Variants in MARS1 observed in about 807,000 individuals in gnomAD.
The protein encoded by MARS1 is methionyl-tRNA synthetase 1.
In MARS1, 80 loss-of-function variants were observed where a neutral mutation model predicts 119.5. The ratio of observed to expected loss-of-function variants is 0.67; its 90% CI spans 0.56 to 0.81. The LOEUF is 0.81. Ranked by LOEUF, MARS1 falls within the 30% of genes least tolerant of loss-of-function variation. MARS1 has a pLI of 0.00. For synonymous variants in MARS1, 418 were observed against 433.4 expected (o/e 0.96, Z 0.44); for missense variants, 945 against 1,116.5 (o/e 0.85, Z 2.19).
chr12:57,512,608 T>C, intron 14 of MARS1, 143 bp from the exon 15 acceptor site: 1 of 711,678 alleles, frequency 1.4e-6, no homozygotes, highest in Non-Finnish European at 2.4e-6. Flanking sequence ...TCCCAAAATC[T>C]GAGCATACCA....
intron 7 of MARS1, among the ~76,000 whole-genome samples, chr12:57,490,884 T>G (rs1484168923): frequency 6.7e-6 from 1 of 148,568 alleles, no homozygotes; most frequent in African/African-American, 2.5e-5. Flanking sequence ...CCTTTTTTTT[T>G]TTTTTTTTTG....
At chr12:57,512,567 G>A in intron 14 of MARS1, 184 bp from the exon 15 acceptor site, 1 of 645,512 alleles carries the variant, frequency 1.5e-6, no homozygotes, top group South Asian at 2.0e-5. Flanking sequence ...TAAGCAAAGA[G>A]AAAAAAGGGC....
At chr12:57,513,077 CTG>C (rs1200641566) in intron 15 of MARS1, 113 bp downstream of exon 15, 3 of 845,828 alleles carry the variant, frequency 3.5e-6, no homozygotes, top group Non-Finnish European at 3.9e-6. Context: ...TGTGAGGACA[CTG>C]TGGAAAGTTG....
chr12:57,510,773 A>G (rs1877472548), intron 11 of MARS1, among the ~76,000 whole-genome samples: 1 of 152,008 alleles, frequency 6.6e-6, no homozygotes, highest in Non-Finnish European at 1.5e-5. Context: ...TGTATTTAAA[A>G]AAAGAAAAAA....
At chr12:57,495,140 C>T (rs1277786120) in intron 7 of MARS1, among the ~76,000 whole-genome samples, 1 of 148,496 alleles carries the variant, frequency 6.7e-6, no homozygotes, top group Admixed American at 6.7e-5. Flanking sequence ...GAGGCGCCCC[C>T]CACCTCCCGG....
chr12:57,505,164 GTTT>G (rs34010387), intron 11 of MARS1, among the ~76,000 whole-genome samples: 1 of 140,466 alleles, frequency 7.1e-6, no homozygotes, highest in Non-Finnish European at 1.6e-5. Flanking sequence ...CTCCTGATTT[GTTT>G]TTTTTTTTTT....
At chr12:57,515,665 AAAGT>A (rs939642026) in intron 18 of MARS1, among the ~76,000 whole-genome samples, 3 of 152,220 alleles carry the variant, frequency 2.0e-5, no homozygotes, top group Admixed American at 1.3e-4. Flanking sequence ...ACAAAATGAA[AAAGT>A]AAGTACATTG....
rs767686666 is a variant in MARS1, at chr12:57,490,261, G to T, written c.545G>T (p.Cys182Phe). 6.2e-7 allele frequency: 1 copy of T among 1,613,792 alleles called. No individual in the cohort carries two copies. Among genetic ancestry groups the T allele is most frequent in the South Asian group, 1.1e-5 (1 of 91,062 alleles). ...WFQTLSTQEP[C>F]QRAAETVLKQ... is the part of the protein sequence containing the mutation. Reference sequence around the variant, plus strand: ...CAGACACTGAGTACCCAGGAACCATGTCAGCGAGCTGCAGAGACTGTACTG... The same window carrying T: ...CAGACACTGAGTACCCAGGAACCATTTCAGCGAGCTGCAGAGACTGTACTG... The change falls in exon 6 of 21, where the codon TGT (cysteine) becomes TTT (phenylalanine). Residue 182 changes from cysteine (C) to phenylalanine (F), a missense_variant. Transcript: ENST00000262027.
intron 7 of MARS1, among the ~76,000 whole-genome samples, chr12:57,493,774 A>ATT (rs1876341986): frequency 2.1e-3 from 6 of 2,824 alleles, no homozygotes; most frequent in Non-Finnish European, 2.9e-3. Context: ...TATTATATAT[A>ATT]ATATATATTA....
In MARS1 at chr12:57,508,553, C is replaced by G. The variant is rs918116609; in HGVS notation, c.1369-3145C>G. Among the ~76,000 whole-genome samples, 11 of 152,370 alleles carry G rather than the reference C, an allele frequency of 7.2e-5. No individual in the cohort carries two copies. The East Asian group carries it at 7.7e-4, about 11-fold the overall frequency. ...GCACGCGCCCGCAATCGCAGGCACT[C>G]GGCAGGCTGAGGCAGGAGAATCAGG... On this transcript the variant is annotated intron_variant, in intron 11 of 20. Transcript: ENST00000262027.
At chr12:57,507,426 G>A (rs1285337472) in intron 11 of MARS1, among the ~76,000 whole-genome samples, 1 of 77,172 alleles carries the variant, frequency 1.3e-5, no homozygotes, top group African/African-American at 4.4e-5. Flanking sequence ...CAGTAGGGGT[G>A]GCCGGGCAGA....
Position 57,489,511 on chromosome 12 carries a change from C to CA in MARS1, c.368dup (p.His123GlnfsTer3). ...TGGTTCAGTGCGGAGAGCCCTGACT[C>CA]ACATTGACCACAGCTTGAGTCGTCA... On this transcript the variant is annotated frameshift_variant, in exon 4 of 21. Transcript: ENST00000262027. LOFTEE classifies it high-confidence loss of function. 6.2e-7 allele frequency: 1 copy of CA among 1,614,200 alleles called. No individual in the cohort carries two copies.
rs150579476 is a variant in MARS1, at chr12:57,509,514, C to A, written c.1369-2184C>A. On this transcript the variant is annotated intron_variant, in intron 11 of 20. Coordinates refer to ENST00000262027, the MANE Select transcript of MARS1 (RefSeq NM_004990.4). ...TGCCATCTCCAGGATTCAAGCGATT[C>A]TCCTGCCTCAGCCTCCTGAGTAGCT... Among the ~76,000 whole-genome samples, 27 of 152,296 alleles carry A rather than the reference C, an allele frequency of 1.8e-4. No individual in the cohort carries two copies. In the East Asian group the frequency reaches 5.0e-3, roughly 28 times the overall value.
At chr12:57,488,683 A>C in intron 1 of MARS1, 1 of 1,538,834 alleles carries the variant, frequency 6.5e-7, no homozygotes, top group South Asian at 1.2e-5. Context: ...CAGTTCTTTT[A>C]ATTTTGTTCT....
chr12:57,510,618 A>T (rs1565649762), intron 11 of MARS1, among the ~76,000 whole-genome samples: 1 of 151,352 alleles, frequency 6.6e-6, no homozygotes, highest in Admixed American at 6.6e-5. Context: ...AAAAAAAAAG[A>T]AAATTTTTTT....
At position 57,512,082 on chromosome 12, in the gene MARS1, A is replaced by G; in HGVS notation, c.1614A>G (p.Arg538=). 6.2e-7 allele frequency: 1 copy of G among 1,614,072 alleles called. No homozygotes were observed. The highest frequency in any genetic ancestry group is 8.5e-7 in the Non-Finnish European group (1 of 1,180,008). The change falls in exon 13 of 21, where the codon AGA becomes AGG. Residue 538 remains arginine (R), a synonymous_variant. Transcript: ENST00000262027. ...CCAACTACACAGACCAGTGGGAGAGATGGTGGAAGAACCCAGAGCAAGTGA... is the reference window on the plus strand; with the variant it reads ...CCAACTACACAGACCAGTGGGAGAGGTGGTGGAAGAACCCAGAGCAAGTGA... ...ITANYTDQWE[R]WWKNPEQVDL...
intron 11 of MARS1, among the ~76,000 whole-genome samples, chr12:57,507,649 G>A (rs1175785077): frequency 4.1e-5 from 5 of 121,232 alleles, no homozygotes; most frequent in African/African-American, 1.1e-4. Flanking sequence ...GCGGCTGGCC[G>A]GGCGGGGGTC....
chr12:57,488,832 C>T (rs1875682704), intron 1 of MARS1, 187 bp from the exon 2 acceptor site: 3 of 770,674 alleles, frequency 3.9e-6, no homozygotes, highest in African/African-American at 1.7e-5. Context: ...TTCAGCTGAA[C>T]ACCTGCTGGC....
intron 18 of MARS1, 167 bp downstream of exon 18, chr12:57,515,503 C>T: frequency 1.5e-6 from 1 of 659,374 alleles, no homozygotes; most frequent in Non-Finnish European, 2.5e-6. Flanking sequence ...ATTATCTGTA[C>T]ATCTTCATTG....
Sources: allele counts gnomAD v4.1 joint callset (sites outside exome capture counted in the v4.1 genomes callset), GRCh38; gene constraint gnomAD v4.1.1; transcripts MANE v1.5; gene names NCBI Gene and HGNC (gene_info 2026-07-23, HGNC 2026-07-21).